Variants in MLPH observed in about 807,000 individuals in gnomAD.
MLPH encodes melanophilin.
MLPH carries 51 observed loss-of-function variants against 72.1 expected under a neutral mutation model. The observed-to-expected ratio is 0.71, with a 90% CI of 0.56 to 0.89. The LOEUF (loss-of-function observed/expected upper bound fraction) is 0.89, where lower values mean the gene tolerates loss of function less well. MLPH is among the 40% of genes least tolerant of loss of function. The pLI is 0.00. For missense variants in MLPH, 743 were observed against 759.9 expected (o/e 0.98, Z 0.26); for synonymous variants, 301 against 310.1 (o/e 0.97, Z 0.31).
Position 237,510,900 on chromosome 2 carries a change from C to A in MLPH, c.333-89C>A. 7.6e-7 allele frequency: 1 copy of A among 1,319,164 alleles called. No individual in the cohort carries two copies. The highest frequency in any genetic ancestry group is 1.2e-5 in the South Asian group (1 of 82,630). 81.7% of individuals were successfully genotyped at this position (1,319,164 alleles called of 1,614,324 possible). On this transcript the variant is annotated intron_variant, in intron 3 of 15. Transcript: ENST00000264605. The surrounding 1 kb of genome is among the most constrained non-coding windows in gnomAD (Gnocchi z 4.4). The stretch of plus-strand genomic sequence containing the variant: ...GGGTGGACGCACACATGCACACACT[C>A]GTGTGTGTGTGTGTGTGTGTGTGTG...
At chr2:237,549,135 G>T in intron 13 of MLPH, 86 bp from the exon 14 acceptor site, 1 of 1,267,084 alleles carries the variant, frequency 7.9e-7, no homozygotes, top group South Asian at 1.2e-5. Flanking sequence ...ATTAGAAGCT[G>T]GAAGAACAAT....
At chr2:237,501,408 G>A (rs1344239043) in intron 2 of MLPH, among the ~76,000 whole-genome samples, 1 of 141,768 alleles carries the variant, frequency 7.1e-6, no homozygotes, top group African/African-American at 3.0e-5. Flanking sequence ...TCTGGTAAAT[G>A]TTTACTTTTA....
At chr2:237,495,002 G>A (rs1236023520) in intron 2 of MLPH, among the ~76,000 whole-genome samples, 1 of 152,206 alleles carries the variant, frequency 6.6e-6, no homozygotes, top group Non-Finnish European at 1.5e-5. Flanking sequence ...CTGGAGGCTG[G>A]AGGGAGGACC....
At chr2:237,502,046 C>T (rs1179425306) in intron 2 of MLPH, among the ~76,000 whole-genome samples, 1 of 152,070 alleles carries the variant, frequency 6.6e-6, no homozygotes, top group Non-Finnish European at 1.5e-5. Context: ...GAATTTTTCA[C>T]AGTCTGGAGT....
At chr2:237,546,798 C>G (rs531540523) in intron 13 of MLPH, 115 bp downstream of exon 13, 17 of 869,376 alleles carry the variant, frequency 2.0e-5, no homozygotes, top group Non-Finnish European at 3.1e-5. Flanking sequence ...TCACAGCTAC[C>G]CACACAGCAA....
At position 237,545,540 on chromosome 2, in the gene MLPH, C is replaced by T. The variant is rs185486894; in HGVS notation, c.1540-1066C>T. The T allele has an allele frequency of 3.1e-3, 3,968 of 1,288,790 alleles. 6 individuals carry two copies. Among genetic ancestry groups the T allele is most frequent in the Non-Finnish European group, 3.8e-3 (3,779 of 988,610 alleles). The allele number at this position is 1,288,790 out of a possible 1,614,324, so 79.8% of individuals were successfully genotyped here. A position where few individuals can be genotyped will look rare whatever the true frequency, so the allele number is the denominator to read the frequency against. ...ACAGTGTAAAATCCAAAAGGAGCCG[C>T]CTGAATCATGTTGCCTCATGTGGAA... On this transcript the variant is annotated intron_variant, in intron 12 of 15. Coordinates refer to ENST00000264605, the MANE Select transcript of MLPH (RefSeq NM_024101.7).
chr2:237,486,650 G>A (rs2079323477), upstream of MLPH: 1 of 152,282 alleles, frequency 6.6e-6, no homozygotes, highest in Admixed American at 6.5e-5. Flanking sequence ...ACTTTTTCTT[G>A]GCGGGCAAGG....
intron 9 of MLPH, among the ~76,000 whole-genome samples, chr2:237,535,733 G>A (rs1367006570): frequency 1.3e-5 from 2 of 152,200 alleles, no homozygotes; most frequent in Non-Finnish European, 2.9e-5. Flanking sequence ...CCAAAGTGGA[G>A]AATTTAAAGT....
rs908786019 is a variant in MLPH, at chr2:237,518,630, C to T, written c.537C>T (p.Ala179=). ...GEPGSEAQAQ[A]QPFGSKKKRL... ...CTGGCTCAGAGGCCCAGGCCCAGGC[C>T]CAGCCCTTTGGCAGCAAAGTAAGTC... The change falls in exon 5 of 16, where the codon GCC becomes GCT. Residue 179 remains alanine, a synonymous_variant. Transcript: ENST00000264605. 1 of 1,613,158 alleles carries T rather than the reference C, an allele frequency of 6.2e-7. No homozygotes were observed. The highest frequency in any genetic ancestry group is 8.5e-7 in the Non-Finnish European group (1 of 1,179,782).
chr2:237,545,462 T>C lies in MLPH; in HGVS notation c.1540-1144T>C, dbSNP rs746664803. 9 of 1,288,530 alleles carry C rather than the reference T, an allele frequency of 7.0e-6. 2 individuals carry two copies. The South Asian group carries it at 1.1e-4, about 16-fold the overall frequency. The allele number at this position is 1,288,530 out of a possible 1,614,324, so 79.8% of individuals were successfully genotyped here. On this transcript the variant is annotated intron_variant, in intron 12 of 15. Transcript: ENST00000264605. ...GTTGTTTCTACCCTAAAAAGGCTCTTTATGAGGGGACTCTGAGCCTCTGCT... is the reference window on the plus strand; with the variant it reads ...GTTGTTTCTACCCTAAAAAGGCTCTCTATGAGGGGACTCTGAGCCTCTGCT...
intron 4 of MLPH, chr2:237,518,281 G>C: frequency 1.7e-6 from 1 of 574,398 alleles, no homozygotes; most frequent in South Asian, 1.8e-5. Flanking sequence ...GCTGCCCATT[G>C]AGTAGGTGGA....
intron 2 of MLPH, among the ~76,000 whole-genome samples, chr2:237,506,071 C>T (rs1313593649): frequency 6.6e-6 from 1 of 152,160 alleles, no homozygotes; most frequent in Non-Finnish European, 1.5e-5. Flanking sequence ...AACTTGACTT[C>T]GAAATCAGCA....
At chr2:237,518,307 G>T (rs577767703) in intron 4 of MLPH, 2 of 615,554 alleles carry the variant, frequency 3.2e-6, no homozygotes, top group Admixed American at 2.2e-5. Flanking sequence ...GGATAAATGG[G>T]TGGGTGGGTA....
chr2:237,521,189 T>A (rs2106326652), intron 6 of MLPH, among the ~76,000 whole-genome samples: 1 of 152,300 alleles, frequency 6.6e-6, no homozygotes, highest in Middle Eastern at 3.4e-3. Flanking sequence ...AGCGAGGTTG[T>A]CCTATTAGAG....
intron 15 of MLPH, 134 bp from the exon 16 acceptor site, chr2:237,553,432 A>G: frequency 3.5e-6 from 3 of 867,052 alleles, no homozygotes; most frequent in Non-Finnish European, 5.6e-6. Context: ...CAAACGTGTA[A>G]TCTAAATTTG....
At chr2:237,546,809 T>C in intron 13 of MLPH, 126 bp downstream of exon 13, 1 of 801,832 alleles carries the variant, frequency 1.2e-6, no homozygotes, top group South Asian at 1.4e-5. Context: ...CACACAGCAA[T>C]GCCCACACAG....
At chr2:237,534,536 G>T (rs201016353) in intron 8 of MLPH, 28 bp from the exon 9 acceptor site, 4 of 1,598,018 alleles carry the variant, frequency 2.5e-6, no homozygotes, top group Admixed American at 1.7e-5. Context: ...TGGGTCCTCT[G>T]CCCACTGTTT....
rs2080870539 is a variant in MLPH at position 237,545,012 on chromosome 2, GACCGTGGTGAGTGGGGGC to G, written c.1540-1591_1540-1574del. 3.0e-3 allele frequency among the ~76,000 whole-genome samples: 7 copies of G among 2,372 alleles called. 1 individual carries two copies. Among genetic ancestry groups the G allele is most frequent in the Admixed American group, 2.7e-3 (1 of 364 alleles). The allele number at this position is 2,372 out of a possible 152,430, so 1.6% of individuals were successfully genotyped here. ...TGAATGGGGACAGTAGTGAGTGGGGGACCGTGGTGAGTGGGGGCACAGTGGTGAGTGGGGACAGTGGGT... is the reference window on the plus strand; with the variant it reads ...TGAATGGGGACAGTAGTGAGTGGGGGACAGTGGTGAGTGGGGACAGTGGGT... On this transcript the variant is annotated intron_variant, in intron 12 of 15. Transcript: ENST00000264605.
chr2:237,540,389 GGAGGC>G lies in MLPH; in HGVS notation c.1147_1151del (p.Glu383ProfsTer14). The G allele has an allele frequency of 2.5e-6, 4 of 1,613,792 alleles. No individual in the cohort carries two copies. The highest frequency in any genetic ancestry group is 3.4e-6 in the Non-Finnish European group (4 of 1,180,012). On this transcript the variant is annotated frameshift_variant, in exon 10 of 16. Transcript: ENST00000264605. LOFTEE classifies it high-confidence loss of function. Reference sequence around the variant, plus strand: ...TGCGCACGGAGGCCGATGTAGAGGAGGAGGCCCTGAGGAGGAAGCTGGAGGAGCTG... The same window carrying G: ...TGCGCACGGAGGCCGATGTAGAGGAGCCTGAGGAGGAAGCTGGAGGAGCTG...
Sources: gnomAD v4.1 joint callset for allele counts (sites outside exome capture counted in the v4.1 genomes callset) on GRCh38, gnomAD v4.1.1 for gene constraint, Gnocchi (gnomAD v3.1) non-coding constraint, MANE v1.5 for transcripts, NCBI Gene and HGNC (gene_info 2026-07-23, HGNC 2026-07-21) for gene names.